MAGI2: variants seen among roughly 807,000 people sequenced by gnomAD.
MAGI2 encodes membrane-associated guanylate kinase, WW and PDZ domain-containing protein 2.
Under a neutral mutation model 133.3 loss-of-function variants are expected in MAGI2, and 35 were observed. The observed-to-expected ratio is 0.26, with a 90% CI of 0.20 to 0.35. The LOEUF (loss-of-function observed/expected upper bound fraction) is 0.35. Ranked by LOEUF, MAGI2 falls within the 10% of genes least tolerant of loss-of-function variation. MAGI2 has a pLI of 1.00. For synonymous variants in MAGI2, 729 were observed against 710.6 expected (o/e 1.03, Z -0.41); for missense variants, 1,636 against 1,863.4 (o/e 0.88, Z 2.25).
At chr7:78,297,955 T>C (rs1021725735) in intron 9 of MAGI2, among the ~76,000 whole-genome samples, 11 of 146,814 alleles carry the variant, frequency 7.5e-5, no homozygotes, top group Middle Eastern at 3.5e-3. Flanking sequence ...CTGCACAATG[T>C]GCACATGTAC....
At chr7:78,585,758 A>G (rs745879549) in intron 3 of MAGI2, among the ~76,000 whole-genome samples, 1 of 152,218 alleles carries the variant, frequency 6.6e-6, no homozygotes, top group Non-Finnish European at 1.5e-5. Flanking sequence ...GACACCACAT[A>G]TCAGAAATAC....
chr7:78,351,221 T>G (rs1013868563), intron 7 of MAGI2, among the ~76,000 whole-genome samples: 17 of 151,976 alleles, frequency 1.1e-4, no homozygotes, highest in Non-Finnish European at 2.2e-4. Context: ...AAATACGCAT[T>G]GTGGGCAGGG....
intron 3 of MAGI2, among the ~76,000 whole-genome samples, chr7:78,524,567 A>G (rs1303008706): frequency 6.6e-6 from 1 of 152,216 alleles, no homozygotes; most frequent in Non-Finnish European, 1.5e-5. Flanking sequence ...CTGTAAGTAT[A>G]TAACTTTTTT....
chr7:78,238,966 A>G (rs577248552), intron 10 of MAGI2, among the ~76,000 whole-genome samples: 4 of 152,176 alleles, frequency 2.6e-5, no homozygotes, highest in Non-Finnish European at 4.4e-5. Flanking sequence ...GCTTTAGCCA[A>G]CTTAGCTCCT....
chr7:78,405,114 A>G (rs770722086), intron 6 of MAGI2, among the ~76,000 whole-genome samples: 42 of 152,244 alleles, frequency 2.8e-4, no homozygotes, highest in Non-Finnish European at 1.2e-4. Flanking sequence ...GGAGAATTTC[A>G]GGCAACAAAT....
intron 4 of MAGI2, among the ~76,000 whole-genome samples, chr7:78,514,773 G>A (rs757572817): frequency 1.3e-5 from 2 of 152,188 alleles, no homozygotes; most frequent in African/African-American, 2.4e-5. Context: ...CACAGTCAGC[G>A]TGCCAAGCAG....
At chr7:78,952,258 C>T (rs1183818230) in intron 2 of MAGI2, among the ~76,000 whole-genome samples, 1 of 152,042 alleles carries the variant, frequency 6.6e-6, no homozygotes, top group African/African-American at 2.4e-5. Context: ...ATTGTCTCTG[C>T]CATTTGTGTA....
At chr7:78,454,203 C>T (rs1367457023) in intron 6 of MAGI2, among the ~76,000 whole-genome samples, 2 of 152,086 alleles carry the variant, frequency 1.3e-5, no homozygotes, top group Non-Finnish European at 1.5e-5. Flanking sequence ...GATCAACATA[C>T]CTCAAGGTGT....
At chr7:78,391,033 C>G (rs1795854502) in intron 6 of MAGI2, among the ~76,000 whole-genome samples, 1 of 152,052 alleles carries the variant, frequency 6.6e-6, no homozygotes, top group South Asian at 2.1e-4. Flanking sequence ...TCCTAAAGTT[C>G]TAAATAGCAG....
At chr7:78,941,728 T>TCTCACACA (rs1307777961) in intron 2 of MAGI2, among the ~76,000 whole-genome samples, 1 of 123,462 alleles carries the variant, frequency 8.1e-6, no homozygotes, top group African/African-American at 2.9e-5. Flanking sequence ...GCCTATTTCA[T>TCTCACACA]CACACACACA....
chr7:79,027,982 G>A (rs1490230736), intron 1 of MAGI2, among the ~76,000 whole-genome samples: 4 of 151,524 alleles, frequency 2.6e-5, no homozygotes, highest in Admixed American at 1.3e-4. Flanking sequence ...GGGAGGCCAA[G>A]GTGAATGGAA....
At position 78,857,070 on chromosome 7, in the gene MAGI2, A is replaced by G. The variant is rs531897952; in HGVS notation, c.418+150020T>C. On this transcript the variant is annotated intron_variant, in intron 2 of 21. Coordinates refer to ENST00000354212, the MANE Select transcript of MAGI2 (RefSeq NM_012301.4). ...TCTCTGTTTGTCTGTTATTGGTGTA[A>G]AGGAATGCTTGTGATTTTTGCACAT... Among the ~76,000 whole-genome samples the G allele has an allele frequency of 2.6e-5, 4 of 151,992 alleles. No individual in the cohort carries two copies. In the East Asian group the frequency reaches 7.7e-4, roughly 29 times the overall value.
intron 1 of MAGI2, among the ~76,000 whole-genome samples, chr7:79,349,767 T>G (rs1841570585): frequency 6.6e-6 from 1 of 152,048 alleles, no homozygotes. Context: ...AAGTTTTATT[T>G]TTCCCCATTG....
At chr7:78,573,291 A>AT (rs1563188965) in intron 3 of MAGI2, among the ~76,000 whole-genome samples, 5 of 53,358 alleles carry the variant, frequency 9.4e-5, no homozygotes, top group South Asian at 5.4e-4. Context: ...TATTTATATA[A>AT]ATATATATAT....
At chr7:78,381,216 G>T (rs1420238341) in intron 6 of MAGI2, among the ~76,000 whole-genome samples, 2 of 152,024 alleles carry the variant, frequency 1.3e-5, no homozygotes, top group Non-Finnish European at 2.9e-5. Context: ...CCGTTGTGGC[G>T]CGCATCTGTA....
At chr7:79,319,047 C>A (rs17152252) in intron 1 of MAGI2, among the ~76,000 whole-genome samples, 1 of 152,112 alleles carries the variant, frequency 6.6e-6, no homozygotes, top group Non-Finnish European at 1.5e-5. Context: ...GTTCTTAAAG[C>A]GAGATGTGAA....
chr7:79,174,559 A>AT (rs1292448604), intron 1 of MAGI2, among the ~76,000 whole-genome samples: 3 of 151,146 alleles, frequency 2.0e-5, no homozygotes, highest in Non-Finnish European at 1.5e-5. Flanking sequence ...TTGGCAATCA[A>AT]TTTTTTTTTA....
At chr7:78,145,611 G>C (rs1823231000) in intron 16 of MAGI2, among the ~76,000 whole-genome samples, 1 of 152,030 alleles carries the variant, frequency 6.6e-6, no homozygotes, top group Non-Finnish European at 1.5e-5. Context: ...GTTCTCTTTT[G>C]GCCCTTCCTC....
At chr7:78,831,625 C>T (rs1040384695) in intron 2 of MAGI2, among the ~76,000 whole-genome samples, 1 of 152,128 alleles carries the variant, frequency 6.6e-6, no homozygotes, top group Admixed American at 6.5e-5. Flanking sequence ...TTTTTCAGAA[C>T]AATGTAACAG....
Sources: allele counts gnomAD v4.1 joint callset (sites outside exome capture counted in the v4.1 genomes callset), GRCh38; gene constraint gnomAD v4.1.1; transcripts MANE v1.5; gene names NCBI Gene and HGNC (gene_info 2026-07-23, HGNC 2026-07-21).